Variants in KDELR2 observed in about 807,000 individuals in gnomAD.
The protein encoded by KDELR2 is KDEL endoplasmic reticulum protein retention receptor 2.
In KDELR2, 15 loss-of-function variants were observed where a neutral mutation model predicts 23.9. That is an observed-to-expected ratio of 0.63 (90% CI 0.42 to 0.97). The LOEUF is 0.97. Ranked by LOEUF, KDELR2 falls within the 50% of genes least tolerant of loss-of-function variation. The pLI, the probability that KDELR2 is intolerant of heterozygous loss-of-function variation, is 0.00. For synonymous variants in KDELR2, 119 were observed against 106.2 expected (o/e 1.12, Z -0.74); for missense variants, 272 against 254.6 (o/e 1.07, Z -0.46).
At position 6,481,890 on chromosome 7, in the gene KDELR2, A is replaced by G. The variant is rs1785901569; in HGVS notation, c.91+2077T>C. On this transcript the variant is annotated intron_variant, in intron 1 of 4. Coordinates refer to ENST00000258739, the MANE Select transcript of KDELR2 (RefSeq NM_006854.4). ...CTAATTGTGCTTCAATCCTGGCTCT[A>G]TCACTAATTTATTCCACTCCCTAAG... is the stretch of plus-strand genomic sequence containing the variant. Among the ~76,000 whole-genome samples the G allele has an allele frequency of 3.3e-5, 5 of 152,172 alleles. No homozygotes were observed. The South Asian group carries it at 8.3e-4, about 25-fold the overall frequency.
In KDELR2 at chr7:6,482,585, G is replaced by A. The variant is rs568211958; in HGVS notation, c.91+1382C>T. 2.1e-5 allele frequency: 10 copies of A among 470,644 alleles called. No individual in the cohort carries two copies. The East Asian group carries it at 4.2e-4, about 20-fold the overall frequency. The allele number at this position is 470,644 out of a possible 1,614,324, so 29.2% of individuals were successfully genotyped here. ...TCAGTTATGTTCCAAGGAGACAGGC[G>A]AGGCCTGCAGACAGCAGATTCAGAG... On this transcript the variant is annotated intron_variant, in intron 1 of 4. Transcript: ENST00000258739.
At chr7:6,477,244 CG>C (rs56017201) in intron 1 of KDELR2, among the ~76,000 whole-genome samples, 22,766 of 152,224 alleles carry the variant, frequency 0.15, 1,979 homozygotes, top group Non-Finnish European at 0.2. Flanking sequence ...TGGAAATCTG[CG>C]GATGCTAACG....
At chr7:6,481,188 G>A (rs1419592466) in intron 1 of KDELR2, among the ~76,000 whole-genome samples, 1 of 152,138 alleles carries the variant, frequency 6.6e-6, no homozygotes, top group South Asian at 2.1e-4. Context: ...GGCCAACATG[G>A]TGAAACTCTG....
intron 3 of KDELR2, 134 bp downstream of exon 3, chr7:6,469,462 G>C: frequency 6.8e-6 from 5 of 732,936 alleles, no homozygotes; most frequent in South Asian, 5.3e-5. Context: ...GCACCATGTT[G>C]GCCAGGCTGG....
chr7:6,481,365 C>A (rs1475932412), intron 1 of KDELR2, among the ~76,000 whole-genome samples: 562 of 117,472 alleles, frequency 4.8e-3, no homozygotes, highest in Non-Finnish European at 5.5e-3. Context: ...AAGTTCATCT[C>A]AAAAAAAAAA....
chr7:6,479,318 C>T (rs1785833773), intron 1 of KDELR2, among the ~76,000 whole-genome samples: 1 of 151,864 alleles, frequency 6.6e-6, no homozygotes, highest in African/African-American at 2.4e-5. Context: ...CCACGGCTGG[C>T]TAACTTTTGT....
At chr7:6,476,416 G>C (rs981228777) in intron 1 of KDELR2, among the ~76,000 whole-genome samples, 13 of 152,224 alleles carry the variant, frequency 8.5e-5, no homozygotes, top group African/African-American at 3.1e-4. Flanking sequence ...GGAGGTTTCA[G>C]AGGGGGAAGA....
intron 4 of KDELR2, among the ~76,000 whole-genome samples, chr7:6,463,806 C>T (rs1785438637): frequency 6.6e-6 from 1 of 150,470 alleles, no homozygotes; most frequent in African/African-American, 2.4e-5. Context: ...CACGCCTATA[C>T]TTCCGGCACT....
At chr7:6,474,426 G>C (rs1191477184) in intron 1 of KDELR2, 142 bp from the exon 2 acceptor site, 1 of 605,874 alleles carries the variant, frequency 1.7e-6, no homozygotes. Context: ...GAATGAACAA[G>C]AGCAGTTGTA....
chr7:6,469,521 G>GC, intron 3 of KDELR2, 75 bp downstream of exon 3: 1 of 1,423,978 alleles, frequency 7.0e-7, no homozygotes, highest in Non-Finnish European at 9.6e-7. Context: ...GCTGAACTCC[G>GC]CCTCGGCCTC....
At chr7:6,471,524 G>A (rs922404872) in intron 2 of KDELR2, among the ~76,000 whole-genome samples, 12 of 152,072 alleles carry the variant, frequency 7.9e-5, no homozygotes, top group Admixed American at 1.3e-4. Flanking sequence ...TTTGGGGACC[G>A]GAAATATGCT....
rs562372274 is a variant in KDELR2 at position 6,479,474 on chromosome 7, T to C, written c.91+4493A>G. ...CCGGCCAAGAACAAAAACTTTTTTTTTGTTTGTTTGTTTGATTTTTTGAGA... is the reference window on the plus strand; with the variant it reads ...CCGGCCAAGAACAAAAACTTTTTTTCTGTTTGTTTGTTTGATTTTTTGAGA... On this transcript the variant is annotated intron_variant, in intron 1 of 4. Transcript: ENST00000258739. Among the ~76,000 whole-genome samples the C allele has an allele frequency of 3.3e-5, 5 of 151,536 alleles. No homozygotes were observed. The East Asian group carries it at 5.9e-4, about 18-fold the overall frequency.
intron 2 of KDELR2, among the ~76,000 whole-genome samples, chr7:6,470,895 A>G (rs1419824535): frequency 6.6e-6 from 1 of 151,994 alleles, no homozygotes; most frequent in African/African-American, 2.4e-5. Context: ...CAGGCGGATC[A>G]TGAGGTCAGG....
chr7:6,468,633 G>T (rs995826628), intron 3 of KDELR2, among the ~76,000 whole-genome samples: 2 of 152,082 alleles, frequency 1.3e-5, no homozygotes, highest in African/African-American at 4.8e-5. Flanking sequence ...AGCCTCCCAA[G>T]TAACTGGGAC....
Position 6,483,956 on chromosome 7 carries a change from C to T in KDELR2, c.91+11G>A. 1 of 1,506,288 alleles carries T rather than the reference C, an allele frequency of 6.6e-7. No individual in the cohort carries two copies. The highest frequency in any genetic ancestry group is 1.2e-5 in the South Asian group (1 of 81,488). The allele number at this position is 1,506,288 out of a possible 1,614,324, so 93.3% of individuals were successfully genotyped here. Reference sequence around the variant, plus strand: ...CGCCCGAGCCTCTCCGGGCCTTCCCCCGCCGCTCACCGGCGCAGGAGCGCG... The same window carrying T: ...CGCCCGAGCCTCTCCGGGCCTTCCCTCGCCGCTCACCGGCGCAGGAGCGCG... On this transcript the variant is annotated intron_variant, in intron 1 of 4. Coordinates refer to ENST00000258739, the MANE Select transcript of KDELR2 (RefSeq NM_006854.4).
At position 6,483,996 on chromosome 7, in the gene KDELR2, A is replaced by C; in HGVS notation, c.62T>G (p.Leu21Arg). 1 of 1,531,588 alleles carries C rather than the reference A, an allele frequency of 6.5e-7. No individual in the cohort carries two copies. Among genetic ancestry groups the C allele is most frequent in the Non-Finnish European group, 8.8e-7 (1 of 1,137,124 alleles). 94.9% of individuals were successfully genotyped at this position (1,531,588 alleles called of 1,614,324 possible). A position where few individuals can be genotyped will look rare whatever the true frequency, so the allele number is the denominator to read the frequency against. ...GCAGGAGCGCGTCTTCCAGATCTTCAGCAGCAGGATGACGATGGCCGCCAG... is the reference window on the plus strand; with the variant it reads ...GCAGGAGCGCGTCTTCCAGATCTTCCGCAGCAGGATGACGATGGCCGCCAG... ...SHLAAIVILL[L>R]KIWKTRSCAG... The change falls in exon 1 of 5, where the codon CTG becomes CGG. Residue 21 changes from leucine to arginine, a missense_variant. Transcript: ENST00000258739.
intron 1 of KDELR2, among the ~76,000 whole-genome samples, chr7:6,480,680 G>C (rs1785870884): frequency 6.6e-6 from 1 of 152,112 alleles, no homozygotes; most frequent in South Asian, 2.1e-4. Flanking sequence ...AATGAACCTT[G>C]GTATGAGTAT....
intron 1 of KDELR2, among the ~76,000 whole-genome samples, chr7:6,476,389 T>C (rs1785752816): frequency 6.6e-6 from 1 of 152,186 alleles, no homozygotes; most frequent in Non-Finnish European, 1.5e-5. Context: ...ACAAGGCTGC[T>C]GCTAACCAAG....
intron 1 of KDELR2, 145 bp downstream of exon 1, chr7:6,483,822 G>T: frequency 2.0e-6 from 1 of 506,918 alleles, no homozygotes; most frequent in Non-Finnish European, 2.9e-6. Flanking sequence ...GCTGCCCCCC[G>T]GGTCCGGGCA....
Sources: gnomAD v4.1 joint callset for allele counts (sites outside exome capture counted in the v4.1 genomes callset) on GRCh38, gnomAD v4.1.1 for gene constraint, MANE v1.5 for transcripts, NCBI Gene and HGNC (gene_info 2026-07-23, HGNC 2026-07-21) for gene names.